Variants in ANKRD13A observed in about 807,000 individuals in gnomAD.
ANKRD13A encodes the protein ankyrin repeat domain 13A.
A neutral mutation model predicts 81.3 loss-of-function variants in ANKRD13A; 48 were observed. The ratio of observed to expected loss-of-function variants is 0.59; its 90% CI spans 0.47 to 0.75. ANKRD13A has a LOEUF of 0.75. Ranked by LOEUF, ANKRD13A falls within the 30% of genes least tolerant of loss-of-function variation. The pLI is 0.00. For missense variants in ANKRD13A, 612 were observed against 734.0 expected, an observed-to-expected ratio of 0.83 and a Z score of 1.92; for synonymous variants, 230 against 270.1, an observed-to-expected ratio of 0.85 and a Z score of 1.45.
rs958768815 is a variant in ANKRD13A, at chr12:110,016,368, A to C, written c.355-20A>C. The C allele has an allele frequency of 6.3e-7, 1 of 1,578,602 alleles. No homozygotes were observed. Among genetic ancestry groups the C allele is most frequent in the Admixed American group, 1.7e-5 (1 of 58,448 alleles). The stretch of plus-strand genomic sequence containing the variant: ...ATAGTGCCAAGGGTAATCTGTTTTA[A>C]ACCTTTGTCTGCCCTTCAGGCTCCG... On this transcript the variant is annotated intron_variant, in intron 3 of 14. Transcript: ENST00000261739.
intron 1 of ANKRD13A, among the ~76,000 whole-genome samples, chr12:110,002,009 T>C (rs1447452364): frequency 1.4e-5 from 2 of 146,882 alleles, no homozygotes; most frequent in Non-Finnish European, 3.0e-5. Context: ...TGAACTCTTG[T>C]ACTCAAGTGA....
chr12:110,018,997 C>T lies in ANKRD13A; in HGVS notation c.545-142C>T, dbSNP rs1487309803. The T allele has an allele frequency of 1.0e-5, 8 of 793,724 alleles. No homozygotes were observed. The highest frequency in any genetic ancestry group is 5.4e-5 in the East Asian group (2 of 36,900). 49.2% of individuals were successfully genotyped at this position (793,724 alleles called of 1,614,324 possible). ...GATAATCCCTGTGCAAATAGGTAGT[C>T]GATAATCAGTACACTGTAGGTTTTA... On this transcript the variant is annotated intron_variant, in intron 5 of 14. Transcript: ENST00000261739. The surrounding 1 kb of genome is among the most constrained non-coding windows in gnomAD (Gnocchi z 4.4).
At position 109,999,916 on chromosome 12, in the gene ANKRD13A, A is replaced by G; in HGVS notation, c.96+132A>G. On this transcript the variant is annotated intron_variant, in intron 1 of 14. Transcript: ENST00000261739. This position sits in a 1 kb window ranked among gnomAD's most constrained non-coding sequence, Gnocchi z 4.3. Reference sequence around the variant, plus strand: ...ACCCCTTCCACTTTGCAGGTGTGGGACAGTCCTAATAATAGGACACGTATC... The same window carrying G: ...ACCCCTTCCACTTTGCAGGTGTGGGGCAGTCCTAATAATAGGACACGTATC... The G allele has an allele frequency of 1.3e-6, 1 of 743,900 alleles. No individual in the cohort carries two copies. The highest frequency in any genetic ancestry group is 2.0e-6 in the Non-Finnish European group (1 of 492,044). The allele number at this position is 743,900 out of a possible 1,614,324, so 46.1% of individuals were successfully genotyped here.
chr12:110,014,281 G>A (rs928383246), intron 3 of ANKRD13A, among the ~76,000 whole-genome samples: 13 of 152,110 alleles, frequency 8.5e-5, no homozygotes, highest in East Asian at 7.7e-4. Flanking sequence ...GTGTGGTGGC[G>A]GGCGCCTGTA....
chr12:110,005,892 C>T (rs1890218983), intron 1 of ANKRD13A, among the ~76,000 whole-genome samples: 1 of 152,110 alleles, frequency 6.6e-6, no homozygotes, highest in Non-Finnish European at 1.5e-5. Flanking sequence ...TCTCAGCTCT[C>T]TGCAACCTCT....
In ANKRD13A at chr12:110,038,014, G is replaced by T. The variant is rs1892170091; in HGVS notation, c.*460G>T. The stretch of plus-strand genomic sequence containing the variant: ...AGACACTTCTTTACTGTTCACCAAA[G>T]AAATGGGTAATCTGTGCTGATCTCC... On this transcript the variant is annotated 3_prime_UTR_variant, in exon 15 of 15. Transcript: ENST00000261739. The T allele has an allele frequency of 6.5e-6, 1 of 154,448 alleles. No homozygotes were observed. Among genetic ancestry groups the T allele is most frequent in the Admixed American group, 6.4e-5 (1 of 15,606 alleles). 9.6% of individuals were successfully genotyped at this position (154,448 alleles called of 1,614,324 possible).
chr12:110,028,380 C>CA, intron 9 of ANKRD13A, 132 bp from the exon 10 acceptor site: 2 of 985,908 alleles, frequency 2.0e-6, no homozygotes, highest in East Asian at 5.0e-5. Flanking sequence ...TTGTTCCATG[C>CA]AAAAAAGTTA....
rs545460104 is a variant in ANKRD13A, at chr12:110,034,121, C to CTTG, written c.1509+167_1509+169dup. 2.2e-3 allele frequency among the ~76,000 whole-genome samples: 341 copies of CTTG among 152,312 alleles called. 1 individual carries two copies. Among genetic ancestry groups the CTTG allele is most frequent in the African/African-American group, 7.7e-3 (321 of 41,568 alleles). ...TGTGCATCTGGTCTTCTTACAAAAG[C>CTTG]TTGTTATGTAAGAGACCATCTACAT... On this transcript the variant is annotated intron_variant, in intron 13 of 14. Transcript: ENST00000261739.
rs1199912957 is a variant in ANKRD13A, at chr12:110,024,034, AC to A, written c.735-11del. Reference sequence around the variant, plus strand: ...GTACATGTAGAAATTTGTGGTGTTCACTTTTTATCAGAACTAAATCCGGATT... The same window carrying A: ...GTACATGTAGAAATTTGTGGTGTTCATTTTTATCAGAACTAAATCCGGATT... On this transcript the variant is annotated splice_polypyrimidine_tract_variant and intron_variant, in intron 6 of 14. Transcript: ENST00000261739. The A allele has an allele frequency of 6.2e-7, 1 of 1,612,898 alleles. No homozygotes were observed. The highest frequency in any genetic ancestry group is 2.2e-5 in the East Asian group (1 of 44,860).
intron 3 of ANKRD13A, among the ~76,000 whole-genome samples, chr12:110,014,034 A>G (rs1890658523): frequency 1.3e-5 from 2 of 152,116 alleles, no homozygotes; most frequent in Admixed American, 1.3e-4. Flanking sequence ...AGCTATTAGT[A>G]TTTCGAGACC....
chr12:109,999,408 T>G (rs1165564134), upstream of ANKRD13A: 2 of 183,630 alleles, frequency 1.1e-5, no homozygotes, highest in East Asian at 2.9e-4. This position sits in a 1 kb window ranked among gnomAD's most constrained non-coding sequence, Gnocchi z 4.3. Context: ...CGCACTTCCC[T>G]GTTTGGGGCA....
chr12:109,999,829 G>T lies in ANKRD13A; in HGVS notation c.96+45G>T. 1 of 1,474,624 alleles carries T rather than the reference G, an allele frequency of 6.8e-7. No individual in the cohort carries two copies. Among genetic ancestry groups the T allele is most frequent in the South Asian group, 1.3e-5 (1 of 78,592 alleles). The allele number at this position is 1,474,624 out of a possible 1,614,324, so 91.3% of individuals were successfully genotyped here. ...TCCGTCTCCCGGTGGGGACTTCGGG[G>T]AATCGGGGGTCGTTTCGCCTCCCTG... On this transcript the variant is annotated intron_variant, in intron 1 of 14. Transcript: ENST00000261739. The surrounding 1 kb of genome is among the most constrained non-coding windows in gnomAD (Gnocchi z 4.3).
At chr12:110,019,888 C>G (rs1890989375) in intron 6 of ANKRD13A, among the ~76,000 whole-genome samples, 3 of 152,202 alleles carry the variant, frequency 2.0e-5, no homozygotes, top group African/African-American at 7.2e-5. Context: ...CCAGAGAGGT[C>G]TGTGCCTTGG....
chr12:110,029,851 C>G (rs769481789), intron 11 of ANKRD13A, among the ~76,000 whole-genome samples: 22 of 152,064 alleles, frequency 1.4e-4, no homozygotes, highest in Admixed American at 1.4e-3. Flanking sequence ...GATCTCCAAC[C>G]ATCATTTCTA....
chr12:110,005,767 A>G (rs1360331753), intron 1 of ANKRD13A, among the ~76,000 whole-genome samples: 1 of 152,106 alleles, frequency 6.6e-6, no homozygotes, highest in Non-Finnish European at 1.5e-5. Flanking sequence ...GGTTGTCGCC[A>G]CTTTTTGGCT....
intron 4 of ANKRD13A, among the ~76,000 whole-genome samples, chr12:110,017,467 C>T (rs1266767369): frequency 6.6e-6 from 1 of 152,122 alleles, no homozygotes; most frequent in Non-Finnish European, 1.5e-5. Flanking sequence ...TCCTAACTTA[C>T]AGGGTTTCAG....
In ANKRD13A at chr12:110,037,671, A is replaced by G. The variant is rs1566067241; in HGVS notation, c.*117A>G. 1.9e-6 allele frequency: 2 copies of G among 1,040,636 alleles called. No individual in the cohort carries two copies. 64.5% of individuals were successfully genotyped at this position (1,040,636 alleles called of 1,614,324 possible). A position where few individuals can be genotyped will look rare whatever the true frequency, so the allele number is the denominator to read the frequency against. ...CCTTGCGTGCATGCAGCAGGCAACAACTGCCCCTTCTTTATGCAGAGGTGC... is the reference window on the plus strand; with the variant it reads ...CCTTGCGTGCATGCAGCAGGCAACAGCTGCCCCTTCTTTATGCAGAGGTGC... On this transcript the variant is annotated 3_prime_UTR_variant, in exon 15 of 15. Transcript: ENST00000261739.
intron 13 of ANKRD13A, among the ~76,000 whole-genome samples, chr12:110,034,759 C>T (rs1453823284): frequency 6.6e-6 from 1 of 152,224 alleles, no homozygotes; most frequent in Non-Finnish European, 1.5e-5. Flanking sequence ...GGTCTGCCTC[C>T]AGCACCCTCT....
intron 3 of ANKRD13A, among the ~76,000 whole-genome samples, chr12:110,014,285 G>A (rs988457724): frequency 1.4e-4 from 22 of 152,194 alleles, no homozygotes; most frequent in African/African-American, 4.6e-4. Context: ...GGTGGCGGGC[G>A]CCTGTAGTCC....
Sources: allele counts gnomAD v4.1 joint callset (sites outside exome capture counted in the v4.1 genomes callset), GRCh38; gene constraint gnomAD v4.1.1; non-coding constraint Gnocchi (gnomAD v3.1); transcripts MANE v1.5; gene names NCBI Gene and HGNC (gene_info 2026-07-23, HGNC 2026-07-21).